GRIP1: variants seen among roughly 807,000 people sequenced by gnomAD.
The protein encoded by GRIP1 is glutamate receptor-interacting protein 1.
A neutral mutation model predicts 129.9 loss-of-function variants in GRIP1; 45 were observed. The ratio of observed to expected loss-of-function variants is 0.35; its 90% CI spans 0.27 to 0.44. The LOEUF is 0.44. GRIP1 is among the 20% of genes least tolerant of loss of function. The pLI, the probability that GRIP1 is intolerant of heterozygous loss-of-function variation, is 1.00. For missense variants in GRIP1, 1,196 were observed against 1,396.8 expected (o/e 0.86, Z 2.29); for synonymous variants, 530 against 520.8 (o/e 1.02, Z -0.24).
intron 7 of GRIP1, among the ~76,000 whole-genome samples, chr12:66,486,569 C>T (rs571681411): frequency 5.9e-5 from 9 of 152,148 alleles, no homozygotes; most frequent in South Asian, 2.1e-4. Flanking sequence ...CAGGGGTTTC[C>T]GCTTTTGTGT....
chr12:66,626,425 C>T (rs2030056780), intron 1 of GRIP1, among the ~76,000 whole-genome samples: 1 of 151,578 alleles, frequency 6.6e-6, no homozygotes, highest in Non-Finnish European at 1.5e-5. Context: ...ATATTTATAA[C>T]TAAAGTACAT....
intron 1 of GRIP1, among the ~76,000 whole-genome samples, chr12:67,032,847 A>G (rs1343455792): frequency 3.3e-5 from 5 of 152,228 alleles, no homozygotes; most frequent in African/African-American, 1.2e-4. Context: ...GAGCTACATT[A>G]AAAAGATAAC....
chr12:66,876,606 T>C (rs1592922425), intron 1 of GRIP1, among the ~76,000 whole-genome samples: 1 of 152,204 alleles, frequency 6.6e-6, no homozygotes, highest in Admixed American at 6.5e-5. Flanking sequence ...TGCATGAATC[T>C]TAACTAGTTG....
intron 1 of GRIP1, among the ~76,000 whole-genome samples, chr12:66,676,779 A>G (rs2034355355): frequency 6.6e-6 from 1 of 152,172 alleles, no homozygotes; most frequent in South Asian, 2.1e-4. Flanking sequence ...TGACCCTAAA[A>G]GAAAGGTCAT....
intron 20 of GRIP1, among the ~76,000 whole-genome samples, chr12:66,377,826 A>C (rs17102434): frequency 0.029 from 4,445 of 151,954 alleles, 241 homozygotes; most frequent in African/African-American, 0.1. Context: ...TTACTACCGG[A>C]TTTCAGACTA....
chr12:66,608,282 T>C (rs7975014), intron 1 of GRIP1, among the ~76,000 whole-genome samples: 23,325 of 152,134 alleles, frequency 0.15, 1,845 homozygotes, highest in Middle Eastern at 0.19. Context: ...TACAGTGAGA[T>C]AGTGATTATA....
intron 1 of GRIP1, among the ~76,000 whole-genome samples, chr12:66,999,559 A>C (rs1342987353): frequency 6.6e-6 from 1 of 152,226 alleles, no homozygotes; most frequent in Non-Finnish European, 1.5e-5. Flanking sequence ...AAAATTGTAA[A>C]TCAAGAAAGA....
chr12:66,478,413 C>A (rs940967044), intron 7 of GRIP1, among the ~76,000 whole-genome samples: 1 of 152,116 alleles, frequency 6.6e-6, no homozygotes, highest in Non-Finnish European at 1.5e-5. Flanking sequence ...AATAGGAACA[C>A]TTTTACACTG....
rs1016831078 is a variant in GRIP1, at chr12:66,866,942, T to C, written c.58+202108A>G. 4.1e-4 allele frequency among the ~76,000 whole-genome samples: 62 copies of C among 152,170 alleles called. 2 individuals are homozygous for C. Among genetic ancestry groups the C allele is most frequent in the Non-Finnish European group, 1.3e-4 (9 of 68,028 alleles). The stretch of plus-strand genomic sequence containing the variant: ...CAGTAAGTATACACAATTTTATCTG[T>C]CAATTTTTAAAAGAAAGAATAGGGC... On this transcript the variant is annotated intron_variant, in intron 1 of 1. Transcript: ENST00000643019.
chr12:66,971,365 T>A (rs1250281111), intron 1 of GRIP1, among the ~76,000 whole-genome samples: 4 of 152,190 alleles, frequency 2.6e-5, no homozygotes, highest in Admixed American at 2.6e-4. Context: ...TTTTTCATAT[T>A]CCTATTTTCA....
chr12:67,003,245 A>G (rs1253719019), intron 1 of GRIP1, among the ~76,000 whole-genome samples: 1 of 152,230 alleles, frequency 6.6e-6, no homozygotes, highest in East Asian at 1.9e-4. Flanking sequence ...ACAGTTTTAC[A>G]TTCTAAGTGT....
At chr12:66,602,821 A>G (rs187650867) in intron 1 of GRIP1, among the ~76,000 whole-genome samples, 53 of 132,886 alleles carry the variant, frequency 4.0e-4, no homozygotes, top group Admixed American at 8.7e-4. Flanking sequence ...AATGTGCTCT[A>G]TATTCCTAAA....
At chr12:66,868,438 T>C (rs78080083) in intron 1 of GRIP1, among the ~76,000 whole-genome samples, 1 of 152,100 alleles carries the variant, frequency 6.6e-6, no homozygotes, top group African/African-American at 2.4e-5. Context: ...AAAATGTAGA[T>C]GTTATTATCC....
chr12:66,592,630 G>A (rs2063888494), intron 2 of GRIP1, among the ~76,000 whole-genome samples: 1 of 152,138 alleles, frequency 6.6e-6, no homozygotes, highest in African/African-American at 2.4e-5. Flanking sequence ...AGAAAGAGGA[G>A]GCAAGTCAAA....
chr12:66,392,873 A>G, intron 17 of GRIP1, 57 bp from the exon 18 acceptor site: 1 of 1,497,826 alleles, frequency 6.7e-7, no homozygotes, highest in South Asian at 1.1e-5. Flanking sequence ...GGTACTGAAT[A>G]TAAATTCCCT....
At position 66,561,641 on chromosome 12, in the gene GRIP1, C is replaced by T. The variant is rs537480784; in HGVS notation, c.137-19691G>A. On this transcript the variant is annotated intron_variant, in intron 2 of 24. Transcript: ENST00000359742. ...TTCATTATGCCCTAAAAAACCAGCC[C>T]TATTGCCTCGCCTCTGGCAAGTCAC... 2.0e-5 allele frequency among the ~76,000 whole-genome samples: 3 copies of T among 152,264 alleles called. No individual in the cohort carries two copies. In the South Asian group the frequency reaches 6.2e-4, roughly 32 times the overall value.
chr12:66,699,316 G>T (rs890833861), intron 1 of GRIP1, among the ~76,000 whole-genome samples: 8 of 152,176 alleles, frequency 5.3e-5, no homozygotes, highest in African/African-American at 1.9e-4. Flanking sequence ...AGAAACAACA[G>T]AGAGTGATAT....
Position 66,478,811 on chromosome 12 carries a change from T to C in GRIP1, c.725-13389A>G, listed in dbSNP as rs190789945. Among the ~76,000 whole-genome samples the C allele has an allele frequency of 8.6e-3, 1,311 of 152,168 alleles. 14 individuals carry two copies. The highest frequency in any genetic ancestry group is 0.029 in the African/African-American group (1,187 of 41,510). The stretch of plus-strand genomic sequence containing the variant: ...ACCAAACACTGCATGTTCTCACTCA[T>C]AGGTGGGAACTGAACAATGAGAACA... On this transcript the variant is annotated intron_variant, in intron 7 of 24. Coordinates refer to ENST00000359742, the MANE Select transcript of GRIP1 (RefSeq NM_001366722.1).
chr12:66,724,211 A>C (rs1284393483), intron 1 of GRIP1, among the ~76,000 whole-genome samples: 1 of 152,222 alleles, frequency 6.6e-6, no homozygotes, highest in African/African-American at 2.4e-5. Context: ...ATATCTGAAC[A>C]GGGCTGGCAG....
Sources: allele counts gnomAD v4.1 joint callset (sites outside exome capture counted in the v4.1 genomes callset), GRCh38; gene constraint gnomAD v4.1.1; transcripts MANE v1.5; gene names NCBI Gene and HGNC (gene_info 2026-07-23, HGNC 2026-07-21).